Variants in ENTPD2 observed in about 807,000 individuals in gnomAD.
The protein encoded by ENTPD2 is ectonucleoside triphosphate diphosphohydrolase 2.
A neutral mutation model predicts 46.8 loss-of-function variants in ENTPD2; 48 were observed. The ratio of observed to expected loss-of-function variants is 1.03; its 90% CI spans 0.81 to 1.30. The LOEUF is 1.30. ENTPD2 is among the 50% of genes most tolerant of loss of function. The pLI is 0.00. For synonymous variants in ENTPD2, 316 were observed against 286.1 expected, an observed-to-expected ratio of 1.10 and a Z score of -1.06; for missense variants, 707 against 651.1, an observed-to-expected ratio of 1.09 and a Z score of -0.93.
chr9:137,049,993 T>C lies in ENTPD2; in HGVS notation c.1030-4A>G. ...TGTAGAAGAAGGCAGAGAAGGCCTG[T>C]AGGGGGCGCAGTCACACTGTGACCG... On this transcript the variant is annotated splice_region_variant and splice_polypyrimidine_tract_variant and intron_variant, in intron 6 of 8. Coordinates refer to ENST00000355097, the MANE Select transcript of ENTPD2 (RefSeq NM_203468.3). 1 of 1,610,920 alleles carries C rather than the reference T, an allele frequency of 6.2e-7. No individual in the cohort carries two copies. Among genetic ancestry groups the C allele is most frequent in the Non-Finnish European group, 8.5e-7 (1 of 1,178,994 alleles).
rs1588552196 is a variant in ENTPD2, at chr9:137,048,510, A to C, written c.*147T>G. The C allele has an allele frequency of 7.1e-6, 4 of 562,040 alleles. No individual in the cohort carries two copies. Among genetic ancestry groups the C allele is most frequent in the Non-Finnish European group, 1.2e-5 (4 of 325,570 alleles). 34.8% of individuals were successfully genotyped at this position (562,040 alleles called of 1,614,324 possible). A position where few individuals can be genotyped will look rare whatever the true frequency, so the allele number is the denominator to read the frequency against. Reference sequence around the variant, plus strand: ...GAGGGTGGGTGGAGGAATGCAGGATACAGGGGCGGGGAGAGAGGTTGGGAG... The same window carrying C: ...GAGGGTGGGTGGAGGAATGCAGGATCCAGGGGCGGGGAGAGAGGTTGGGAG... On this transcript the variant is annotated 3_prime_UTR_variant, in exon 9 of 9. Transcript: ENST00000355097.
In ENTPD2 at chr9:137,053,880, C is replaced by T; in HGVS notation, c.117+1G>A. ...CGTGCGCTGGGTGCCCGGGCGCGCA[C>T]CTTGAGGGCGGGCGGCTCCCGGACG... On this transcript the variant is annotated splice_donor_variant, in intron 1 of 8. Coordinates refer to ENST00000355097, the MANE Select transcript of ENTPD2 (RefSeq NM_203468.3). LOFTEE classifies it high-confidence loss of function. 3 of 1,224,312 alleles carry T rather than the reference C, an allele frequency of 2.5e-6. No individual in the cohort carries two copies. Among genetic ancestry groups the T allele is most frequent in the Non-Finnish European group, 3.1e-6 (3 of 982,898 alleles). 75.8% of individuals were successfully genotyped at this position (1,224,312 alleles called of 1,614,324 possible). A position where few individuals can be genotyped will look rare whatever the true frequency, so the allele number is the denominator to read the frequency against.
In ENTPD2 at chr9:137,049,559, C is replaced by A. The variant is rs1444520706; in HGVS notation, c.1149+311G>T. On this transcript the variant is annotated intron_variant, in intron 7 of 8. Coordinates refer to ENST00000355097, the MANE Select transcript of ENTPD2 (RefSeq NM_203468.3). ...GTGGGCACACTCCCGGTGCCCAGAC[C>A]CACTTCCATCTTCCCTTGTGTGGTA... 6 of 445,092 alleles carry A rather than the reference C, an allele frequency of 1.3e-5. No homozygotes were observed. The East Asian group carries it at 2.4e-4, about 18-fold the overall frequency. 27.6% of individuals were successfully genotyped at this position (445,092 alleles called of 1,614,324 possible). A position where few individuals can be genotyped will look rare whatever the true frequency, so the allele number is the denominator to read the frequency against.
intron 7 of ENTPD2, 150 bp downstream of exon 7, chr9:137,049,720 C>T (rs1284000263): frequency 7.7e-6 from 7 of 914,874 alleles, no homozygotes; most frequent in East Asian, 2.9e-5. Context: ...CGGCCACAGC[C>T]ACGCCACCTC....
rs1588552169 is a variant in ENTPD2, at chr9:137,048,473, C to T, written c.*184G>A. ...TGGAGAAGACAGTGGTGGGGTGGAG[C>T]GGTGGGGGATAGAGGGTGGGTGGAG... On this transcript the variant is annotated 3_prime_UTR_variant, in exon 9 of 9. Coordinates refer to ENST00000355097, the MANE Select transcript of ENTPD2 (RefSeq NM_203468.3). The T allele has an allele frequency of 1.4e-5, 7 of 505,612 alleles. No individual in the cohort carries two copies. The East Asian group carries it at 1.8e-4, about 13-fold the overall frequency. The allele number at this position is 505,612 out of a possible 1,614,324, so 31.3% of individuals were successfully genotyped here.
At position 137,050,327 on chromosome 9, in the gene ENTPD2, G is replaced by A. The variant is rs1247647269; in HGVS notation, c.986C>T (p.Ser329Phe). The A allele has an allele frequency of 1.9e-6, 3 of 1,612,110 alleles. No individual in the cohort carries two copies. The highest frequency in any genetic ancestry group is 2.5e-6 in the Non-Finnish European group (3 of 1,179,396). Residue 329 changes from serine (S) to phenylalanine (F), a missense_variant, in exon 6 of 9, where the codon TCT becomes TTT. Coordinates refer to ENST00000355097, the MANE Select transcript of ENTPD2 (RefSeq NM_203468.3). ...TGGGGGCTGGAAGACCCCATTGAAA[G>A]AGCATCGGGAGAAGGGGCAGGAGGA... is the stretch of plus-strand genomic sequence containing the variant. The part of the protein sequence containing the change: ...SFSSCPFSRC[S>F]FNGVFQPPVA...
intron 1 of ENTPD2, 150 bp from the exon 2 acceptor site, chr9:137,052,498 A>G: frequency 1.6e-6 from 1 of 612,628 alleles, no homozygotes; most frequent in South Asian, 2.0e-5. Context: ...AGAGGAGGCC[A>G]GGGCCTCCTC....
At chr9:137,049,722 C>G in intron 7 of ENTPD2, 148 bp downstream of exon 7, 1 of 936,096 alleles carries the variant, frequency 1.1e-6, no homozygotes, top group Non-Finnish European at 1.6e-6. Flanking sequence ...GCCACAGCCA[C>G]GCCACCTCTG....
Position 137,050,551 on chromosome 9 carries a change from C to T in ENTPD2, c.775-13G>A. ...GGAAGCCGTGGGTCTGGGGGAATCA[C>T]CAGCGTGACAGGGTGGCACCACCAC... On this transcript the variant is annotated splice_polypyrimidine_tract_variant and intron_variant, in intron 5 of 8. Transcript: ENST00000355097. 1.2e-6 allele frequency: 2 copies of T among 1,609,132 alleles called. No individual in the cohort carries two copies. The highest frequency in any genetic ancestry group is 1.7e-6 in the Non-Finnish European group (2 of 1,177,454).
At chr9:137,052,905 T>G (rs1195246849) in intron 1 of ENTPD2, 1 of 152,226 alleles carries the variant, frequency 6.6e-6, no homozygotes, top group African/African-American at 2.4e-5. Flanking sequence ...TCCCTAGGCC[T>G]CCAAGCCAGG....
intron 7 of ENTPD2, chr9:137,049,648 T>A (rs1178697359): frequency 1.9e-6 from 1 of 539,456 alleles, no homozygotes; most frequent in African/African-American, 2.0e-5. Context: ...GCCCTCCAGA[T>A]CTGGGATGAG....
In ENTPD2 at chr9:137,050,486, A is replaced by C; in HGVS notation, c.827T>G (p.Leu276Arg). 1 of 1,612,762 alleles carries C rather than the reference A, an allele frequency of 6.2e-7. No individual in the cohort carries two copies. Among genetic ancestry groups the C allele is most frequent in the Non-Finnish European group, 8.5e-7 (1 of 1,179,958 alleles). Reference protein sequence around the residue: ...WPRGFSTQVLLGDVYQSPCTM... With the variant: ...WPRGFSTQVLRGDVYQSPCTM... ...GCATGGTGACTGGTACACATCCCCG[A>C]GCAGCACTTGGGTGGAAAAGCCCCT... The change falls in exon 6 of 9, where the codon CTC becomes CGC. Residue 276 changes from leucine (L) to arginine (R), a missense_variant. Leu to Arg is a moderately radical substitution (Grantham distance 102). Coordinates refer to ENST00000355097, the MANE Select transcript of ENTPD2 (RefSeq NM_203468.3).
chr9:137,050,057 T>G lies in ENTPD2; in HGVS notation c.1030-68A>C. 2 of 412,314 alleles carry G rather than the reference T, an allele frequency of 4.9e-6. 1 individual carries two copies. Among genetic ancestry groups the G allele is most frequent in the Non-Finnish European group, 8.0e-6 (2 of 251,168 alleles). 25.5% of individuals were successfully genotyped at this position (412,314 alleles called of 1,614,324 possible). A position where few individuals can be genotyped will look rare whatever the true frequency, so the allele number is the denominator to read the frequency against. ...CAGAGCACCTGCTGCCACCCGCCTG[T>G]CCCTACTCACGACAAAGTTCCCAGC... On this transcript the variant is annotated intron_variant, in intron 6 of 8. Transcript: ENST00000355097.
At position 137,049,029 on chromosome 9, in the gene ENTPD2, C is replaced by T. The variant is rs1003052514; in HGVS notation, c.1196G>A (p.Cys399Tyr). The T allele has an allele frequency of 2.0e-6, 3 of 1,536,532 alleles. No homozygotes were observed. The highest frequency in any genetic ancestry group is 2.0e-5 in the Admixed American group (1 of 50,722). Residue 399 changes from cysteine (C) to tyrosine (Y), a missense_variant, in exon 8 of 9, where the codon TGC becomes TAC. Transcript: ENST00000355097. ...PGQRARLADY[C>Y]AGAMFVQQLL... is the part of the protein sequence containing the mutation. ...CTGCTGCACGAACATGGCCCCGGCG[C>T]AGTAGTCGGCCAGGCGGGCCCGTTG...
chr9:137,051,701 G>A, intron 2 of ENTPD2, 41 bp from the exon 3 acceptor site: 2 of 1,560,512 alleles, frequency 1.3e-6, no homozygotes, highest in South Asian at 1.2e-5. Context: ...CTCACGGGCA[G>A]CCCCTAGGTG....
At position 137,051,937 on chromosome 9, in the gene ENTPD2, G is replaced by T. The variant is rs530339084; in HGVS notation, c.236-277C>A. The stretch of plus-strand genomic sequence containing the variant: ...GGTTGGCCTCCTGAGGCCTGCCTGG[G>T]TGTGTCCGCCAGGCCCCCAGACCTC... On this transcript the variant is annotated intron_variant, in intron 2 of 8. Coordinates refer to ENST00000355097, the MANE Select transcript of ENTPD2 (RefSeq NM_203468.3). 3.5e-3 allele frequency among the ~76,000 whole-genome samples: 526 copies of T among 152,332 alleles called. 2 individuals carry two copies. Among genetic ancestry groups the T allele is most frequent in the African/African-American group, 0.012 (497 of 41,570 alleles).
chr9:137,050,951 C>T lies in ENTPD2; in HGVS notation c.725G>A (p.Cys242Tyr). The change falls in exon 5 of 9, where the codon TGC (cysteine) becomes TAC (tyrosine). Residue 242 changes from cysteine (C) to tyrosine (Y), a missense_variant. Cys to Tyr is a radical substitution (Grantham distance 194). Coordinates refer to ENST00000355097, the MANE Select transcript of ENTPD2 (RefSeq NM_203468.3). ...HYRVYTHSFL[C>Y]YGRDQVLQRL... ...CTGGAGGACCTGGTCACGGCCATAGCAGAGGAAGCTGTGGGTGTAGACTCG... is the reference window on the plus strand; with the variant it reads ...CTGGAGGACCTGGTCACGGCCATAGTAGAGGAAGCTGTGGGTGTAGACTCG... The T allele has an allele frequency of 6.2e-7, 1 of 1,612,684 alleles. No individual in the cohort carries two copies. Among genetic ancestry groups the T allele is most frequent in the Non-Finnish European group, 8.5e-7 (1 of 1,180,016 alleles).
chr9:137,049,549 G>C, intron 7 of ENTPD2: 2 of 437,946 alleles, frequency 4.6e-6, no homozygotes, highest in Non-Finnish European at 8.2e-6. Flanking sequence ...CACACTCCCG[G>C]TGCCCAGACC....
intron 7 of ENTPD2, chr9:137,049,631 TC>T: frequency 2.0e-6 from 1 of 506,784 alleles, no homozygotes; most frequent in East Asian, 3.7e-5. Context: ...GGCACCGGCC[TC>T]CCCCTGCCCT....
Sources: allele counts gnomAD v4.1 joint callset (sites outside exome capture counted in the v4.1 genomes callset), GRCh38; gene constraint gnomAD v4.1.1; transcripts MANE v1.5; gene names NCBI Gene and HGNC (gene_info 2026-07-23, HGNC 2026-07-21).